The following AK8 variants were observed in gnomAD, a reference collection of about 807,000 sequenced individuals.
AK8 encodes the protein ATP-AMP transphosphorylase 8.
In AK8, 44 loss-of-function variants were observed where a neutral mutation model predicts 54.6. That is an observed-to-expected ratio of 0.81 (90% CI 0.63 to 1.04). The LOEUF is 1.04. Ranked by LOEUF, AK8 falls within the 50% of genes least tolerant of loss-of-function variation. The probability of loss-of-function intolerance (pLI) is 0.00; values close to 1 mark genes in which losing one functional copy is unlikely to be tolerated. For synonymous variants in AK8, 239 were observed against 245.6 expected, an observed-to-expected ratio of 0.97 and a Z score of 0.25; for missense variants, 555 against 613.6, an observed-to-expected ratio of 0.90 and a Z score of 1.01.
intron 11 of AK8, among the ~76,000 whole-genome samples, chr9:132,744,133 G>A (rs1246789658): frequency 6.6e-6 from 1 of 151,996 alleles, no homozygotes; most frequent in Non-Finnish European, 1.5e-5. Flanking sequence ...GGGGTGTGCC[G>A]GCTCACACCC....
rs1379286191 is a variant in AK8, at chr9:132,842,732, T to C, written c.402+12125A>G. On this transcript the variant is annotated intron_variant, in intron 5 of 12. Coordinates refer to ENST00000298545, the MANE Select transcript of AK8 (RefSeq NM_152572.3). ...GTCTCAAAGGCTGCAGTCAAGGTGT[T>C]GACCAGGCTGTGTTCCCATCTGGAG... is the stretch of plus-strand genomic sequence containing the variant. 2.0e-4 allele frequency among the ~76,000 whole-genome samples: 30 copies of C among 152,234 alleles called. 1 individual carries two copies. Among genetic ancestry groups the C allele is most frequent in the Non-Finnish European group, 2.9e-5 (2 of 68,026 alleles).
At chr9:132,853,859 A>T (rs1843068434) in intron 5 of AK8, among the ~76,000 whole-genome samples, 3 of 151,826 alleles carry the variant, frequency 2.0e-5, no homozygotes, top group African/African-American at 7.2e-5. Flanking sequence ...TTAGAACAAT[A>T]CAGAGAATAT....
chr9:132,835,305 A>C (rs1158334550), intron 5 of AK8, among the ~76,000 whole-genome samples: 1 of 152,264 alleles, frequency 6.6e-6, no homozygotes, highest in Non-Finnish European at 1.5e-5. Flanking sequence ...CAGATGCACC[A>C]GTCTACCCTA....
intron 5 of AK8, among the ~76,000 whole-genome samples, chr9:132,841,693 A>G (rs543116490): frequency 7.2e-5 from 11 of 152,296 alleles, no homozygotes; most frequent in Non-Finnish European, 8.8e-5. Flanking sequence ...TTCCCTTTTC[A>G]TAAGAGGTTT....
intron 11 of AK8, among the ~76,000 whole-genome samples, chr9:132,741,334 C>T (rs528619580): frequency 4.6e-5 from 7 of 152,350 alleles, no homozygotes; most frequent in Admixed American, 2.6e-4. Context: ...GGAAACCCAC[C>T]ATCTTCACTG....
intron 5 of AK8, among the ~76,000 whole-genome samples, chr9:132,848,305 G>A (rs1366175416): frequency 1.3e-5 from 2 of 151,938 alleles, no homozygotes; most frequent in African/African-American, 2.4e-5. Flanking sequence ...CCAGTCACTC[G>A]GGCCATCTTT....
At chr9:132,834,054 G>C (rs1842219512) in intron 5 of AK8, among the ~76,000 whole-genome samples, 1 of 152,242 alleles carries the variant, frequency 6.6e-6, no homozygotes, top group Admixed American at 6.5e-5. Flanking sequence ...GGAGCTGCAT[G>C]CTCAATCTCT....
intron 11 of AK8, among the ~76,000 whole-genome samples, chr9:132,785,948 G>GA (rs1279081203): frequency 6.6e-6 from 1 of 152,164 alleles, no homozygotes; most frequent in Non-Finnish European, 1.5e-5. Context: ...AAATCCCACA[G>GA]AAAAACGATA....
At chr9:132,751,244 C>T (rs974653273) in intron 11 of AK8, among the ~76,000 whole-genome samples, 18 of 151,238 alleles carry the variant, frequency 1.2e-4, no homozygotes, top group African/African-American at 3.9e-4. Flanking sequence ...ATTAGCCGGG[C>T]GTGGTGGTGC....
At chr9:132,827,087 C>T in intron 7 of AK8, 33 bp from the exon 8 acceptor site, 1 of 1,606,762 alleles carries the variant, frequency 6.2e-7, no homozygotes, top group Non-Finnish European at 8.5e-7. Context: ...TTAGAAATGG[C>T]CATGCAGGGG....
chr9:132,854,760 T>G (rs1056792531), intron 5 of AK8, 97 bp downstream of exon 5: 13 of 1,352,898 alleles, frequency 9.6e-6, no homozygotes, highest in African/African-American at 1.4e-5. Flanking sequence ...TTACCTTCTC[T>G]TATGCCTCTG....
chr9:132,825,663 T>A (rs1184253931), intron 8 of AK8, among the ~76,000 whole-genome samples: 4 of 152,156 alleles, frequency 2.6e-5, no homozygotes, highest in Admixed American at 6.5e-5. Flanking sequence ...AAACACCGCA[T>A]CTCCGAGCTC....
At position 132,755,350 on chromosome 9, in the gene AK8, T is replaced by C. The variant is rs556474547; in HGVS notation, c.1122-27816A>G. Among the ~76,000 whole-genome samples, 39 of 152,268 alleles carry C rather than the reference T, an allele frequency of 2.6e-4. No homozygotes were observed. In the Middle Eastern group the frequency reaches 0.014, roughly 53 times the overall value. On this transcript the variant is annotated intron_variant, in intron 11 of 12. Transcript: ENST00000298545. ...CAAGAGCCACGCTGGGAGAGAGTGC[T>C]GCCAGCCGAGCACCCGAGCGCCTCG... is the stretch of plus-strand genomic sequence containing the variant.
intron 11 of AK8, among the ~76,000 whole-genome samples, chr9:132,785,552 C>T (rs1839661624): frequency 6.6e-6 from 1 of 152,096 alleles, no homozygotes; most frequent in African/African-American, 2.4e-5. Flanking sequence ...AGGTAAGAAG[C>T]TAACAATAAC....
intron 1 of AK8, chr9:132,877,679 G>A (rs1047686274): frequency 5.4e-6 from 2 of 367,574 alleles, no homozygotes; most frequent in Non-Finnish European, 1.1e-5. Flanking sequence ...CAAGGTGGGA[G>A]ATGCTGCTGT....
chr9:132,762,630 T>C (rs1406000025), intron 11 of AK8, among the ~76,000 whole-genome samples: 1 of 152,078 alleles, frequency 6.6e-6, no homozygotes, highest in East Asian at 1.9e-4. Context: ...GATAGCCACA[T>C]AGAAAACGGA....
intron 10 of AK8, among the ~76,000 whole-genome samples, 187 bp from the exon 11 acceptor site, chr9:132,792,962 T>G (rs1840010044): frequency 6.6e-6 from 1 of 152,238 alleles, no homozygotes; most frequent in African/African-American, 2.4e-5. Context: ...GCAACGGGGC[T>G]GCGTGAGATG....
intron 10 of AK8, among the ~76,000 whole-genome samples, chr9:132,794,162 A>C (rs768172868): frequency 3.9e-5 from 6 of 152,196 alleles, no homozygotes; most frequent in Admixed American, 2.0e-4. Flanking sequence ...TTTCTTCCCC[A>C]GTCCCTAGGA....
intron 5 of AK8, among the ~76,000 whole-genome samples, chr9:132,831,103 G>A (rs1842083112): frequency 6.6e-6 from 1 of 152,012 alleles, no homozygotes; most frequent in African/African-American, 2.4e-5. Context: ...GCCTCTTTCT[G>A]CCTGTAGATT....
Sources: allele counts gnomAD v4.1 joint callset (sites outside exome capture counted in the v4.1 genomes callset), GRCh38; gene constraint gnomAD v4.1.1; transcripts MANE v1.5; gene names NCBI Gene and HGNC (gene_info 2026-07-23, HGNC 2026-07-21).